TMEM116: variants seen among roughly 807,000 people sequenced by gnomAD.
The protein encoded by TMEM116 is transmembrane protein 116.
TMEM116 carries 38 observed loss-of-function variants against 44.3 expected under a neutral mutation model. That is an observed-to-expected ratio of 0.86 (90% CI 0.66 to 1.12). The LOEUF (loss-of-function observed/expected upper bound fraction) is 1.12. Ranked by LOEUF, TMEM116 falls within the 50% of genes most tolerant of loss-of-function variation. TMEM116 has a pLI of 0.00. For missense variants in TMEM116, 354 were observed against 401.7 expected (o/e 0.88, Z 1.01); for synonymous variants, 132 against 144.8 (o/e 0.91, Z 0.64).
At chr12:111,938,614 T>A (rs2072383663) in intron 5 of TMEM116, among the ~76,000 whole-genome samples, 1 of 152,178 alleles carries the variant, frequency 6.6e-6, no homozygotes, top group Admixed American at 6.5e-5. Flanking sequence ...TCTTCAGACT[T>A]TATGAGTGGA....
chr12:111,965,695 C>T (rs1158262039), intron 4 of TMEM116: 7 of 393,710 alleles, frequency 1.8e-5, no homozygotes, highest in South Asian at 3.7e-5. Context: ...GAGGCCCAAG[C>T]GGTGAATCAC....
intron 3 of TMEM116, among the ~76,000 whole-genome samples, chr12:111,998,199 C>T (rs1433218052): frequency 1.3e-5 from 2 of 152,068 alleles, no homozygotes; most frequent in Non-Finnish European, 2.9e-5. Context: ...TTTTGGGAGT[C>T]GGCAAACTCT....
chr12:111,943,999 GA>G (rs1343773193), intron 4 of TMEM116, among the ~76,000 whole-genome samples: 1 of 151,912 alleles, frequency 6.6e-6, no homozygotes, highest in African/African-American at 2.4e-5. Context: ...TTTTTTAATT[GA>G]AAAGGCAATA....
intron 4 of TMEM116, among the ~76,000 whole-genome samples, chr12:111,991,385 G>T (rs1419356181): frequency 6.8e-6 from 1 of 148,078 alleles, no homozygotes; most frequent in Non-Finnish European, 1.5e-5. Context: ...TTAGTCGGGC[G>T]CGGTGGTGGG....
At chr12:111,968,200 G>C (rs1454326562) in intron 4 of TMEM116, among the ~76,000 whole-genome samples, 2 of 152,098 alleles carry the variant, frequency 1.3e-5, no homozygotes, top group Non-Finnish European at 2.9e-5. Context: ...AGATTAGATA[G>C]AACAGTATCT....
rs142799373 is a variant in TMEM116 at position 111,976,206 on chromosome 12, C to T, written c.210+15552G>A. On this transcript the variant is annotated intron_variant, in intron 4 of 10. Coordinates refer to ENST00000552374, the MANE Select transcript of TMEM116 (RefSeq NM_001193531.2). ...TACTTTTAGTAGAGATAGGGTTTCACCATGTTGGTCAGGATGGTCTCGAAC... is the reference window on the plus strand; with the variant it reads ...TACTTTTAGTAGAGATAGGGTTTCATCATGTTGGTCAGGATGGTCTCGAAC... 2.9e-3 allele frequency among the ~76,000 whole-genome samples: 441 copies of T among 152,172 alleles called. 1 individual carries two copies. Among genetic ancestry groups the T allele is most frequent in the African/African-American group, 9.9e-3 (410 of 41,504 alleles).
intron 4 of TMEM116, among the ~76,000 whole-genome samples, chr12:111,945,167 A>AC (rs1331728500): frequency 2.7e-5 from 4 of 150,086 alleles, no homozygotes; most frequent in Admixed American, 6.7e-5. Context: ...ATATGGTGAA[A>AC]CCCCCATCTC....
chr12:111,950,069 C>T (rs533164897), intron 4 of TMEM116, among the ~76,000 whole-genome samples: 2 of 152,150 alleles, frequency 1.3e-5, no homozygotes, highest in South Asian at 2.1e-4. Context: ...GAGCCAAGAT[C>T]GCACCACTGC....
intron 1 of TMEM116, among the ~76,000 whole-genome samples, chr12:112,007,006 G>C (rs904691174): frequency 6.6e-6 from 1 of 152,216 alleles, no homozygotes; most frequent in African/African-American, 2.4e-5. Context: ...TTGGGAGGTG[G>C]AGGCAGAAGG....
intron 1 of TMEM116, chr12:112,011,010 A>AT (rs1315076156): frequency 6.6e-6 from 1 of 152,320 alleles, no homozygotes; most frequent in African/African-American, 2.4e-5. Flanking sequence ...TCCCATTGCC[A>AT]TTCTTGGCCC....
rs2071894887 is a variant in TMEM116, at chr12:111,933,947, A to T, written c.672T>A (p.Ile224=). Residue 224 remains isoleucine (I), a synonymous_variant, in exon 9 of 11, where the codon ATT becomes ATA. Transcript: ENST00000552374. Reference sequence around the variant, plus strand: ...AGCGCACCCGTTGGTCCACAATGTGAATCACTGCCCACTGTTCACTCCCCA... The same window carrying T: ...AGCGCACCCGTTGGTCCACAATGTGTATCACTGCCCACTGTTCACTCCCCA... ...GFLGSEQWAV[I]HIVDQRVRFY... is the part of the protein sequence containing the mutation. The T allele has an allele frequency of 6.2e-7, 1 of 1,614,144 alleles. No homozygotes were observed. Among genetic ancestry groups the T allele is most frequent in the Non-Finnish European group, 8.5e-7 (1 of 1,180,016 alleles).
At chr12:111,948,767 C>A (rs935253855) in intron 4 of TMEM116, among the ~76,000 whole-genome samples, 20 of 151,990 alleles carry the variant, frequency 1.3e-4, no homozygotes, top group Middle Eastern at 6.8e-3. Flanking sequence ...TTGTAAATTG[C>A]AAAGTTCCAA....
chr12:111,969,177 G>A (rs936623591), intron 4 of TMEM116, among the ~76,000 whole-genome samples: 12 of 150,978 alleles, frequency 7.9e-5, no homozygotes, highest in African/African-American at 9.7e-5. Context: ...AAAATTAGCC[G>A]GGCACGGTGG....
chr12:112,009,843 C>CAAAAA (rs761769238), intron 1 of TMEM116, among the ~76,000 whole-genome samples: 1 of 112,032 alleles, frequency 8.9e-6, no homozygotes, highest in African/African-American at 3.3e-5. Flanking sequence ...GACTCTGTCT[C>CAAAAA]AAAAAAAAAA....
chr12:111,942,773 T>C lies in TMEM116; in HGVS notation c.315+492A>G, dbSNP rs2072948726. On this transcript the variant is annotated intron_variant, in intron 5 of 10. Coordinates refer to ENST00000552374, the MANE Select transcript of TMEM116 (RefSeq NM_001193531.2). ...ATAATCAAACCTGTATGTGTATGTG[T>C]GTGTGTGTGGGTGTGTGTGTGGGTG... Among the ~76,000 whole-genome samples the C allele has an allele frequency of 2.2e-5, 3 of 136,832 alleles. No individual in the cohort carries two copies. In the South Asian group the frequency reaches 7.6e-4, roughly 35 times the overall value. The allele number at this position is 136,832 out of a possible 152,430, so 89.8% of individuals were successfully genotyped here.
At chr12:111,989,067 C>T (rs1180410922) in intron 4 of TMEM116, among the ~76,000 whole-genome samples, 3 of 152,066 alleles carry the variant, frequency 2.0e-5, no homozygotes, top group African/African-American at 4.8e-5. Context: ...CCAGCTCATC[C>T]CTGATTACAA....
chr12:111,942,029 C>G lies in TMEM116; in HGVS notation c.315+1236G>C, dbSNP rs546344276. Among the ~76,000 whole-genome samples the G allele has an allele frequency of 3.0e-3, 449 of 152,162 alleles. 2 individuals are homozygous for G. Among genetic ancestry groups the G allele is most frequent in the African/African-American group, 9.9e-3 (409 of 41,508 alleles). On this transcript the variant is annotated intron_variant, in intron 5 of 10. Coordinates refer to ENST00000552374, the MANE Select transcript of TMEM116 (RefSeq NM_001193531.2). The stretch of plus-strand genomic sequence containing the variant: ...TCTTGGCTCACCGCAACCTCTGCCT[C>G]CTGGGTTCAAGCAATTCTCCTGCCT...
chr12:111,997,413 T>C (rs1030837179), intron 3 of TMEM116, among the ~76,000 whole-genome samples: 1 of 151,918 alleles, frequency 6.6e-6, no homozygotes, highest in African/African-American at 2.4e-5. Context: ...TTAAAAAAAA[T>C]AGCTGGCTAT....
At chr12:111,932,443 T>A in intron 10 of TMEM116, 143 bp downstream of exon 10, 1 of 699,894 alleles carries the variant, frequency 1.4e-6, no homozygotes, top group Non-Finnish European at 2.4e-6. Context: ...ACATTCTTCA[T>A]AACTGAGTGT....
Sources: gnomAD v4.1 joint callset for allele counts (sites outside exome capture counted in the v4.1 genomes callset) on GRCh38, gnomAD v4.1.1 for gene constraint, MANE v1.5 for transcripts, NCBI Gene and HGNC (gene_info 2026-07-23, HGNC 2026-07-21) for gene names.